Variants in TAX1BP1 observed in about 807,000 individuals in gnomAD.
TAX1BP1 encodes tax1-binding protein 1.
Under a neutral mutation model 97.7 loss-of-function variants are expected in TAX1BP1, and 62 were observed. That is an observed-to-expected ratio of 0.63 (90% CI 0.52 to 0.78). The LOEUF (loss-of-function observed/expected upper bound fraction) is 0.78. TAX1BP1 is among the 30% of genes least tolerant of loss of function. The pLI is 0.00. For missense variants in TAX1BP1, 867 were observed against 916.1 expected (o/e 0.95, Z 0.69); for synonymous variants, 340 against 304.2 (o/e 1.12, Z -1.23).
intron 10 of TAX1BP1, among the ~76,000 whole-genome samples, chr7:27,793,619 T>C (rs1415818700): frequency 6.6e-6 from 1 of 152,156 alleles, no homozygotes; most frequent in African/African-American, 2.4e-5. Flanking sequence ...TTCATACTCA[T>C]ATTATGAAGA....
At chr7:27,823,333 T>TA (rs1362789513) in intron 15 of TAX1BP1, among the ~76,000 whole-genome samples, 3 of 152,188 alleles carry the variant, frequency 2.0e-5, no homozygotes, top group African/African-American at 7.2e-5. Flanking sequence ...CCTTAGCAAA[T>TA]ATGTAAATTT....
In TAX1BP1 at chr7:27,825,819, T is replaced by G. The variant is rs35801744; in HGVS notation, c.2086-1919T>G. The stretch of plus-strand genomic sequence containing the variant: ...ACAGGAAAAGGAGGTTATGAGACTT[T>G]TGGTTCCATTACATTTTTGGCCCCT... On this transcript the variant is annotated intron_variant, in intron 15 of 16. Transcript: ENST00000396319. Among the ~76,000 whole-genome samples, 10 of 152,234 alleles carry G rather than the reference T, an allele frequency of 6.6e-5. No individual in the cohort carries two copies. In the South Asian group the frequency reaches 2.1e-3, roughly 32 times the overall value.
At chr7:27,817,354 A>G (rs1191555337) in intron 15 of TAX1BP1, among the ~76,000 whole-genome samples, 8 of 152,200 alleles carry the variant, frequency 5.3e-5, no homozygotes, top group Admixed American at 3.9e-4. Context: ...TCACTAAGTA[A>G]CTTACTATAT....
At chr7:27,827,923 C>A in intron 16 of TAX1BP1, 103 bp downstream of exon 16, 1 of 914,996 alleles carries the variant, frequency 1.1e-6, no homozygotes, top group Non-Finnish European at 1.7e-6. Flanking sequence ...TAGGGCCTGG[C>A]CTAGCTGAAC....
In TAX1BP1 at chr7:27,748,671, G is replaced by A. The variant is rs1787916006; in HGVS notation, c.147G>A (p.Trp49Ter). 6.5e-7 allele frequency: 1 copy of A among 1,544,072 alleles called. No individual in the cohort carries two copies. Among genetic ancestry groups the A allele is most frequent in the Non-Finnish European group, 8.8e-7 (1 of 1,139,628 alleles). ...ATATTCATCCACATCCAAAAGATTGGGTTGGTATATTCAAGGTAAGAAAGC... is the reference window on the plus strand; with the variant it reads ...ATATTCATCCACATCCAAAAGATTGAGTTGGTATATTCAAGGTAAGAAAGC... The part of the protein sequence containing the change: ...TPYIHPHPKD[W>*]VGIFKVGWST... Residue 49 changes from tryptophan to a stop codon, truncating the protein, a stop_gained, in exon 2 of 17, where the codon TGG becomes TGA. Coordinates refer to ENST00000396319, the MANE Select transcript of TAX1BP1 (RefSeq NM_006024.7). LOFTEE classifies it high-confidence loss of function.
chr7:27,811,145 G>A (rs1376921670), intron 13 of TAX1BP1, among the ~76,000 whole-genome samples: 1 of 152,066 alleles, frequency 6.6e-6, no homozygotes, highest in African/African-American at 2.4e-5. Flanking sequence ...CATAATAGAT[G>A]GTGTGCTAGG....
chr7:27,765,741 T>G, intron 3 of TAX1BP1, 93 bp from the exon 4 acceptor site: 2 of 1,078,058 alleles, frequency 1.9e-6, no homozygotes, highest in Non-Finnish European at 2.7e-6. Flanking sequence ...AAGAACAGTG[T>G]GGGGAATGAG....
intron 2 of TAX1BP1, among the ~76,000 whole-genome samples, chr7:27,749,529 T>C (rs1427068079): frequency 1.3e-5 from 2 of 152,220 alleles, no homozygotes; most frequent in Non-Finnish European, 2.9e-5. Flanking sequence ...AAGAAATGAA[T>C]AGCTGCTAGA....
chr7:27,770,213 A>C (rs1336231742), intron 5 of TAX1BP1, among the ~76,000 whole-genome samples: 1 of 152,070 alleles, frequency 6.6e-6, no homozygotes, highest in Non-Finnish European at 1.5e-5. Flanking sequence ...AAAAAAGCAT[A>C]ATTTGGTGAA....
chr7:27,749,729 T>G (rs1052922837), intron 2 of TAX1BP1, among the ~76,000 whole-genome samples: 2 of 152,212 alleles, frequency 1.3e-5, no homozygotes, highest in African/African-American at 4.8e-5. Context: ...TTTAGGCTTG[T>G]CAAATCCCAA....
chr7:27,755,610 A>T (rs933077645), intron 2 of TAX1BP1, among the ~76,000 whole-genome samples: 2 of 152,222 alleles, frequency 1.3e-5, no homozygotes, highest in Non-Finnish European at 2.9e-5. Flanking sequence ...TAAAAGGAAC[A>T]CTTTGTGGCT....
rs1583659877 is a variant in TAX1BP1 at position 27,743,998 on chromosome 7, G to A, written c.-8+3729G>A. 1.5e-4 allele frequency among the ~76,000 whole-genome samples: 2 copies of A among 13,582 alleles called. 1 individual carries two copies. The highest frequency in any genetic ancestry group is 0.019 in the South Asian group (2 of 106). The allele number at this position is 13,582 out of a possible 152,430, so 8.9% of individuals were successfully genotyped here. On this transcript the variant is annotated intron_variant, in intron 1 of 16. Transcript: ENST00000396319. ...TTTTTTGTATTTTTAGTAGAGACGG[G>A]GTTTCACCTTGTTAGCCAGGATGGT...
chr7:27,779,450 G>T (rs1023227490), intron 5 of TAX1BP1, among the ~76,000 whole-genome samples: 1 of 152,182 alleles, frequency 6.6e-6, no homozygotes, highest in Non-Finnish European at 1.5e-5. Flanking sequence ...AACTAGCTTT[G>T]TAATTTCCCT....
intron 15 of TAX1BP1, among the ~76,000 whole-genome samples, chr7:27,817,512 G>A (rs1290339187): frequency 6.6e-6 from 1 of 152,156 alleles, no homozygotes; most frequent in Admixed American, 6.5e-5. Flanking sequence ...AAAGAGAAAA[G>A]TGTATGTATC....
At chr7:27,803,951 C>T (rs932436157) in intron 13 of TAX1BP1, among the ~76,000 whole-genome samples, 1 of 152,110 alleles carries the variant, frequency 6.6e-6, no homozygotes, top group African/African-American at 2.4e-5. Flanking sequence ...GGGTATTTGA[C>T]AGATATTTTC....
intron 4 of TAX1BP1, among the ~76,000 whole-genome samples, chr7:27,768,426 G>A (rs1562709062): frequency 6.6e-6 from 1 of 151,940 alleles, no homozygotes; most frequent in Non-Finnish European, 1.5e-5. Context: ...TTCTAAAAAT[G>A]TCTACTTAAG....
chr7:27,770,481 A>T (rs1788802975), intron 5 of TAX1BP1, among the ~76,000 whole-genome samples: 1 of 152,076 alleles, frequency 6.6e-6, no homozygotes, highest in African/African-American at 2.4e-5. Flanking sequence ...TTGTTCTGAA[A>T]CTTACACAGA....
At chr7:27,750,665 G>T (rs1257790398) in intron 2 of TAX1BP1, among the ~76,000 whole-genome samples, 1 of 152,108 alleles carries the variant, frequency 6.6e-6, no homozygotes, top group Non-Finnish European at 1.5e-5. Flanking sequence ...ATATGTATAG[G>T]TTGTTTGAAA....
At chr7:27,781,728 T>C (rs1199637769) in intron 5 of TAX1BP1, among the ~76,000 whole-genome samples, 1 of 152,030 alleles carries the variant, frequency 6.6e-6, no homozygotes, top group Non-Finnish European at 1.5e-5. Flanking sequence ...TAATTTTTTT[T>C]TTTGAGACGG....
Sources: allele counts gnomAD v4.1 joint callset (sites outside exome capture counted in the v4.1 genomes callset), GRCh38; gene constraint gnomAD v4.1.1; transcripts MANE v1.5; gene names NCBI Gene and HGNC (gene_info 2026-07-23, HGNC 2026-07-21).